The following COL5A2 variants were observed in gnomAD, a reference collection of about 807,000 sequenced individuals.
COL5A2 encodes the protein collagen type V alpha 2 chain.
COL5A2 carries 23 observed loss-of-function variants against 208.2 expected under a neutral mutation model. The observed-to-expected ratio is 0.11, with a 90% CI of 0.08 to 0.16. The LOEUF (loss-of-function observed/expected upper bound fraction) is 0.16. Ranked by LOEUF, COL5A2 falls within the 10% of genes least tolerant of loss-of-function variation. The pLI, the probability that COL5A2 is intolerant of heterozygous loss-of-function variation, is 1.00. For synonymous variants in COL5A2, 625 were observed against 628.5 expected (o/e 0.99, Z 0.08); for missense variants, 1,590 against 1,956.4 (o/e 0.81, Z 3.53).
upstream of COL5A2, among the ~76,000 whole-genome samples, chr2:189,230,279 T>C (rs984297005): frequency 4.0e-5 from 6 of 151,874 alleles, no homozygotes; most frequent in African/African-American, 1.4e-4. Flanking sequence ...CATGATTTGA[T>C]GGATATGACC....
At chr2:189,418,770 T>C in the COL5A2 span, among the ~76,000 whole-genome samples, 7 of 152,190 alleles carry the variant, frequency 4.6e-5, no homozygotes, top group African/African-American at 1.4e-4. Flanking sequence ...GCATGTAATC[T>C]GATGTTATGG....
chr2:189,262,255 G>T, the COL5A2 span, among the ~76,000 whole-genome samples: 1 of 152,022 alleles, frequency 6.6e-6, no homozygotes, highest in Non-Finnish European at 1.5e-5. Flanking sequence ...AACAAAGGAA[G>T]AAAGGACACC....
At position 189,078,970 on chromosome 2, in the gene COL5A2, T is replaced by C. The variant is rs986957906; in HGVS notation, c.1005+93A>G. On this transcript the variant is annotated intron_variant, in intron 15 of 53. Transcript: ENST00000374866. ...TAGCCAACATATGTTGTCCATTTAT[T>C]TTTATTTTTCATTTAAAAATTCTCT... 4.8e-5 allele frequency: 49 copies of C among 1,026,980 alleles called. 1 individual carries two copies. In the Admixed American group the frequency reaches 5.7e-4, roughly 12 times the overall value. 63.6% of individuals were successfully genotyped at this position (1,026,980 alleles called of 1,614,324 possible).
chr2:189,351,448 G>A, the COL5A2 span, among the ~76,000 whole-genome samples: 1 of 152,108 alleles, frequency 6.6e-6, no homozygotes, highest in Admixed American at 6.6e-5. Flanking sequence ...ACCTTAAAAT[G>A]ATTAGACAGT....
intron 12 of COL5A2, 93 bp from the exon 13 acceptor site, chr2:189,081,136 C>T (rs1686525549): frequency 1.0e-6 from 1 of 952,550 alleles, no homozygotes; most frequent in Non-Finnish European, 1.7e-6. Context: ...ATAGCTAGTA[C>T]ACAGTTTTCC....
intron 1 of COL5A2, among the ~76,000 whole-genome samples, chr2:189,113,248 A>G (rs1015286248): frequency 6.6e-6 from 1 of 152,142 alleles, no homozygotes; most frequent in Non-Finnish European, 1.5e-5. Flanking sequence ...TGGGCAATAT[A>G]GTGAGATACT....
chr2:189,255,997 G>A, the COL5A2 span, among the ~76,000 whole-genome samples: 6 of 152,248 alleles, frequency 3.9e-5, no homozygotes, highest in East Asian at 5.8e-4. Context: ...AACGGCCAGA[G>A]GACGTGGCAT....
the COL5A2 span, among the ~76,000 whole-genome samples, chr2:189,415,435 C>T: frequency 2.0e-5 from 3 of 151,592 alleles, no homozygotes; most frequent in South Asian, 2.1e-4. Context: ...ATGTGCATTT[C>T]GGGAAAAAAG....
chr2:189,169,958 C>G (rs1351781108), intron 1 of COL5A2, among the ~76,000 whole-genome samples: 2 of 152,214 alleles, frequency 1.3e-5, no homozygotes, highest in African/African-American at 2.4e-5. Flanking sequence ...CTCAGGTGAT[C>G]TACCCAGCTC....
the COL5A2 span, among the ~76,000 whole-genome samples, chr2:189,260,607 T>C: frequency 6.6e-6 from 1 of 152,136 alleles, no homozygotes; most frequent in African/African-American, 2.4e-5. Context: ...CACCATGACC[T>C]ACACCACAGA....
At chr2:189,364,306 T>C in the COL5A2 span, among the ~76,000 whole-genome samples, 4 of 152,238 alleles carry the variant, frequency 2.6e-5, no homozygotes, top group Non-Finnish European at 5.9e-5. Context: ...TTTGATTAAC[T>C]ATACAAGAGA....
intron 17 of COL5A2, among the ~76,000 whole-genome samples, chr2:189,072,871 CATAGA>C (rs1686308120): frequency 6.6e-6 from 1 of 150,938 alleles, no homozygotes; most frequent in Non-Finnish European, 1.5e-5. Flanking sequence ...GGAAGGCATG[CATAGA>C]ATTTAAACCA....
intron 1 of COL5A2, among the ~76,000 whole-genome samples, chr2:189,216,797 C>G (rs2105873923): frequency 6.6e-6 from 1 of 152,144 alleles, no homozygotes; most frequent in South Asian, 2.1e-4. Flanking sequence ...CACCCTGAGC[C>G]CTCAACATTG....
At chr2:189,240,434 C>T in the COL5A2 span, among the ~76,000 whole-genome samples, 4 of 152,142 alleles carry the variant, frequency 2.6e-5, no homozygotes, top group Non-Finnish European at 5.9e-5. Context: ...ACCCCAGTTA[C>T]CTCCCAAAGG....
chr2:189,203,373 A>C (rs1321087094), intron 1 of COL5A2, among the ~76,000 whole-genome samples: 2 of 152,336 alleles, frequency 1.3e-5, no homozygotes, highest in East Asian at 3.9e-4. Flanking sequence ...GGAGCAGACC[A>C]GTATTTGCTT....
At chr2:189,042,835 C>T in intron 48 of COL5A2, 62 bp from the exon 49 acceptor site, 1 of 1,467,408 alleles carries the variant, frequency 6.8e-7, no homozygotes, top group South Asian at 1.2e-5. Flanking sequence ...GTGCCATTCT[C>T]AAAAATGTGC....
the COL5A2 span, among the ~76,000 whole-genome samples, chr2:189,377,390 TGATAATCACTG>T: frequency 6.6e-6 from 1 of 152,186 alleles, no homozygotes; most frequent in Non-Finnish European, 1.5e-5. Context: ...TACCGGGTAA[TGATAATCACTG>T]GATAATCATA....
At chr2:189,384,347 G>T in the COL5A2 span, among the ~76,000 whole-genome samples, 5 of 151,896 alleles carry the variant, frequency 3.3e-5, no homozygotes, top group Admixed American at 6.6e-5. Context: ...TTCTGTAATG[G>T]CTATACTAAT....
chr2:189,242,143 C>T, the COL5A2 span, among the ~76,000 whole-genome samples: 2 of 152,114 alleles, frequency 1.3e-5, no homozygotes, highest in Non-Finnish European at 2.9e-5. Flanking sequence ...TTTTTCATCT[C>T]CATTTTTATT....
Sources: gnomAD v4.1 joint callset for allele counts (sites outside exome capture counted in the v4.1 genomes callset) on GRCh38, gnomAD v4.1.1 for gene constraint, MANE v1.5 for transcripts, NCBI Gene and HGNC (gene_info 2026-07-23, HGNC 2026-07-21) for gene names.